NFILZ: variants seen among roughly 807,000 people sequenced by gnomAD.
The protein encoded by NFILZ is NFIL3 like protein.
chr19:8,647,787 GCGCGCGCGCACACACA>G lies in NFILZ; in HGVS notation c.-164+12043_-164+12058del, dbSNP rs1274121051. ...CACACACACGCACACATGCGCGCGCGCGCGCGCGCACACACACACACACACACACACACACACACAC... is the reference window on the plus strand; with the variant it reads ...CACACACACGCACACATGCGCGCGCGCACACACACACACACACACACACAC... On this transcript the variant is annotated intron_variant, in intron 3 of 5. Transcript: ENST00000691075. 5.3e-5 allele frequency among the ~76,000 whole-genome samples: 5 copies of G among 94,966 alleles called. 1 individual carries two copies. The highest frequency in any genetic ancestry group is 0.011 in the Middle Eastern group (2 of 174). 62.3% of individuals were successfully genotyped at this position (94,966 alleles called of 152,430 possible). A position where few individuals can be genotyped will look rare whatever the true frequency, so the allele number is the denominator to read the frequency against.
intron 3 of NFILZ, among the ~76,000 whole-genome samples, chr19:8,656,154 C>T (rs73006438): frequency 2.3e-4 from 35 of 151,172 alleles, no homozygotes; most frequent in Non-Finnish European, 4.4e-5. Context: ...CTGAGAAGGC[C>T]CTCCATAGCC....
At chr19:8,656,459 TCTCTGAAGCCCACCTTC>T (rs2043001545) in intron 3 of NFILZ, among the ~76,000 whole-genome samples, 2 of 66,040 alleles carry the variant, frequency 3.0e-5, no homozygotes, top group Non-Finnish European at 6.2e-5. Flanking sequence ...GCCCACCTTC[TCTCTGAAGCCCACCTTC>T]TCCCGCAGCC....
chr19:8,638,813 C>T (rs544802514), intron 3 of NFILZ, among the ~76,000 whole-genome samples: 1 of 148,852 alleles, frequency 6.7e-6, no homozygotes, highest in African/African-American at 2.5e-5. Flanking sequence ...AAAGCAAGTG[C>T]AAAGGCCCTG....
At chr19:8,644,046 G>A (rs1481657271) in intron 3 of NFILZ, among the ~76,000 whole-genome samples, 1 of 152,046 alleles carries the variant, frequency 6.6e-6, no homozygotes, top group Non-Finnish European at 1.5e-5. Context: ...CCAAATGCAC[G>A]TATTGAAGCC....
intron 3 of NFILZ, among the ~76,000 whole-genome samples, chr19:8,663,784 T>TGTGTGTGTG (rs2043048867): frequency 5.1e-5 from 1 of 19,632 alleles, no homozygotes; most frequent in African/African-American, 2.6e-4. Flanking sequence ...GTATGTGTGT[T>TGTGTGTGTG]TGTTGTGGGG....
intron 3 of NFILZ, among the ~76,000 whole-genome samples, chr19:8,639,786 G>A (rs2042911087): frequency 6.6e-6 from 1 of 152,096 alleles, no homozygotes; most frequent in African/African-American, 2.4e-5. Flanking sequence ...CATGGGGTAA[G>A]GATTAGTTTA....
chr19:8,652,984 C>T (rs868954185), intron 3 of NFILZ, among the ~76,000 whole-genome samples: 6,911 of 44,144 alleles, frequency 0.16, 464 homozygotes, highest in East Asian at 0.43. Context: ...TCCTTCCTTC[C>T]TTCCTTCCTT....
rs567821925 is a variant in NFILZ, at chr19:8,633,975, T to C, written c.-261+1350T>C. Among the ~76,000 whole-genome samples, 47 of 149,604 alleles carry C rather than the reference T, an allele frequency of 3.1e-4. 1 individual carries two copies. The highest frequency in any genetic ancestry group is 1.0e-3 in the African/African-American group (42 of 40,712). ...CCCTTCTTTCCTTCTCTCTCTCTCT[T>C]TTTTGCTTTCTTGCTTGCTTTCTTG... is the stretch of plus-strand genomic sequence containing the variant. On this transcript the variant is annotated intron_variant, in intron 2 of 5. Coordinates refer to ENST00000691075, the MANE Select transcript of NFILZ (RefSeq NM_001378600.1).
chr19:8,674,519 A>T (rs1316874345), intron 3 of NFILZ, among the ~76,000 whole-genome samples, 32 bp from the exon 4 acceptor site: 8 of 142,478 alleles, frequency 5.6e-5, no homozygotes, highest in Non-Finnish European at 1.2e-4. Context: ...CCTCTAAGTC[A>T]CAAAACTAAA....
Position 8,663,754 on chromosome 19 carries a change from G to GTATGTGTGTGTA in NFILZ, c.-163-10796_-163-10795insATGTGTGTGTAT, listed in dbSNP as rs59267066. On this transcript the variant is annotated intron_variant, in intron 3 of 5. Coordinates refer to ENST00000691075, the MANE Select transcript of NFILZ (RefSeq NM_001378600.1). ...TGTGTGTGTGTGTGTGTGTGTGTGT[G>GTATGTGTGTGTA]TGTGTGTGTGTGTGTGTATGTATGT... Among the ~76,000 whole-genome samples the GTATGTGTGTGTA allele has an allele frequency of 1.5e-4, 18 of 117,564 alleles. No individual in the cohort carries two copies. The East Asian group carries it at 2.5e-3, about 16-fold the overall frequency. The allele number at this position is 117,564 out of a possible 152,430, so 77.1% of individuals were successfully genotyped here. A position where few individuals can be genotyped will look rare whatever the true frequency, so the allele number is the denominator to read the frequency against.
At position 8,677,090 on chromosome 19, in the gene NFILZ, C is replaced by T. The variant is rs2043113857; in HGVS notation, c.325C>T (p.Leu109=). 1 of 152,724 alleles carries T rather than the reference C, an allele frequency of 6.5e-6. No individual in the cohort carries two copies. Among genetic ancestry groups the T allele is most frequent in the Non-Finnish European group, 1.5e-5 (1 of 68,424 alleles). The allele number at this position is 152,724 out of a possible 1,614,324, so 9.5% of individuals were successfully genotyped here. A position where few individuals can be genotyped will look rare whatever the true frequency, so the allele number is the denominator to read the frequency against. The change falls in exon 6 of 6, where the codon CTG becomes TTG. Residue 109 remains leucine, a synonymous_variant. Transcript: ENST00000691075. Reference sequence around the variant, plus strand: ...GACTGGTGGGCCCCGGGCCTTGCCCCTGCAGGCTCTGCTATTGGAAGCCCC... The same window carrying T: ...GACTGGTGGGCCCCGGGCCTTGCCCTTGCAGGCTCTGCTATTGGAAGCCCC... The part of the protein sequence containing the change: ...PLTGGPRALP[L]QALLLEAPWT...
chr19:8,653,034 T>TTCTC (rs2042974994), intron 3 of NFILZ, among the ~76,000 whole-genome samples: 1 of 57,412 alleles, frequency 1.7e-5, no homozygotes, highest in Admixed American at 2.1e-4. Context: ...CTTTCTTTCT[T>TTCTC]TCTTTCTCTC....
At chr19:8,670,597 G>T (rs1194493173) in intron 3 of NFILZ, among the ~76,000 whole-genome samples, 2 of 152,236 alleles carry the variant, frequency 1.3e-5, no homozygotes, top group African/African-American at 4.8e-5. Flanking sequence ...CTTTCCCAAA[G>T]GGGTGGATGC....
chr19:8,652,991 C>CTTTCTTT (rs1600145499), intron 3 of NFILZ, among the ~76,000 whole-genome samples: 566 of 36,448 alleles, frequency 0.016, 44 homozygotes, highest in Non-Finnish European at 0.019. Flanking sequence ...TTCCTTCCTT[C>CTTTCTTT]CTTCCTTCCT....
intron 3 of NFILZ, among the ~76,000 whole-genome samples, chr19:8,664,326 T>C (rs2043051578): frequency 6.6e-6 from 1 of 152,124 alleles, no homozygotes; most frequent in South Asian, 2.1e-4. Context: ...AGGGACTGGG[T>C]CCTTGGCCTC....
At chr19:8,634,571 TA>T (rs782485684) in intron 2 of NFILZ, among the ~76,000 whole-genome samples, 14 of 152,164 alleles carry the variant, frequency 9.2e-5, no homozygotes, top group Non-Finnish European at 1.6e-4. Flanking sequence ...TTCATTTAAG[TA>T]AAAATTAAAG....
At chr19:8,643,104 C>T (rs1323287804) in intron 3 of NFILZ, among the ~76,000 whole-genome samples, 1 of 152,012 alleles carries the variant, frequency 6.6e-6, no homozygotes, top group Admixed American at 6.6e-5. Context: ...CATGCACCAC[C>T]ACACCTGGCT....
At chr19:8,634,390 A>G (rs554482092) in intron 2 of NFILZ, among the ~76,000 whole-genome samples, 3 of 151,860 alleles carry the variant, frequency 2.0e-5, no homozygotes, top group East Asian at 3.9e-4. Flanking sequence ...GGCTCAAATG[A>G]TTCTCCCACA....
At position 8,634,898 on chromosome 19, in the gene NFILZ, CAAACAAAA is replaced by C. The variant is rs1379213731; in HGVS notation, c.-260-739_-260-732del. The stretch of plus-strand genomic sequence containing the variant: ...ACAAACAAACAAACAAACAAACAAA[CAAACAAAA>C]AAACAAAAAAACCAGTGTAATTTAC... On this transcript the variant is annotated intron_variant, in intron 2 of 5. Coordinates refer to ENST00000691075, the MANE Select transcript of NFILZ (RefSeq NM_001378600.1). Among the ~76,000 whole-genome samples the C allele has an allele frequency of 5.3e-4, 75 of 140,288 alleles. 1 individual carries two copies. The highest frequency in any genetic ancestry group is 2.0e-3 in the African/African-American group (65 of 32,112). 92.0% of individuals were successfully genotyped at this position (140,288 alleles called of 152,430 possible). A position where few individuals can be genotyped will look rare whatever the true frequency, so the allele number is the denominator to read the frequency against.
Sources: gnomAD v4.1 joint callset for allele counts (sites outside exome capture counted in the v4.1 genomes callset) on GRCh38, gnomAD v4.1.1 for gene constraint, MANE v1.5 for transcripts, NCBI Gene and HGNC (gene_info 2026-07-23, HGNC 2026-07-21) for gene names.